Variants in MDFIC2 observed in about 807,000 individuals in gnomAD.
MDFIC2 encodes MyoD family inhibitor domain containing 2.
intron 2 of MDFIC2, among the ~76,000 whole-genome samples, chr3:70,296,239 G>A (rs1161951943): frequency 6.6e-6 from 1 of 152,108 alleles, no homozygotes; most frequent in Non-Finnish European, 1.5e-5. Flanking sequence ...CAAATAAGTT[G>A]TAGTTTGAAA....
intron 2 of MDFIC2, among the ~76,000 whole-genome samples, chr3:70,220,534 C>A (rs1701452930): frequency 6.6e-6 from 1 of 152,152 alleles, no homozygotes; most frequent in African/African-American, 2.4e-5. Flanking sequence ...ATTGAATTTA[C>A]TACCAAAGCA....
Position 70,241,928 on chromosome 3 carries a change from C to A in MDFIC2, c.89-35138G>T, listed in dbSNP as rs554479108. On this transcript the variant is annotated intron_variant, in intron 2 of 3. Transcript: ENST00000567252. ...TCCAATAACCTGTGCTCAAAAGTTTCATTCTAAACTGTATAATAACATTTG... is the reference window on the plus strand; with the variant it reads ...TCCAATAACCTGTGCTCAAAAGTTTAATTCTAAACTGTATAATAACATTTG... Among the ~76,000 whole-genome samples, 4 of 152,304 alleles carry A rather than the reference C, an allele frequency of 2.6e-5. No individual in the cohort carries two copies. In the South Asian group the frequency reaches 8.3e-4, roughly 32 times the overall value.
At chr3:70,276,122 G>A (rs1702023307) in intron 2 of MDFIC2, among the ~76,000 whole-genome samples, 3 of 152,072 alleles carry the variant, frequency 2.0e-5, no homozygotes, top group Admixed American at 2.0e-4. Flanking sequence ...GTGGACAGGA[G>A]TTTTGCCAGT....
At chr3:70,214,606 G>C in intron 2 of MDFIC2, among the ~76,000 whole-genome samples, 1 of 32,322 alleles carries the variant, frequency 3.1e-5, no homozygotes. Context: ...GCTGAAGTGG[G>C]CTTTTTTTTT....
At chr3:70,304,352 T>C (rs1163912131) in intron 2 of MDFIC2, among the ~76,000 whole-genome samples, 2 of 152,222 alleles carry the variant, frequency 1.3e-5, no homozygotes, top group Non-Finnish European at 2.9e-5. Context: ...AAGACTTCTC[T>C]TGTCCACATT....
chr3:70,206,254 T>C (rs1009148718), intron 3 of MDFIC2, among the ~76,000 whole-genome samples: 10 of 152,088 alleles, frequency 6.6e-5, no homozygotes, highest in African/African-American at 2.2e-4. Flanking sequence ...AATAGTTCCA[T>C]GTCTGAGGAG....
At chr3:70,256,796 A>G (rs935240464) in intron 2 of MDFIC2, among the ~76,000 whole-genome samples, 2 of 152,192 alleles carry the variant, frequency 1.3e-5, no homozygotes, top group Admixed American at 1.3e-4. Context: ...TTCTCTAAAC[A>G]TATGTAATAT....
At chr3:70,260,856 T>A (rs1294920126) in intron 2 of MDFIC2, among the ~76,000 whole-genome samples, 2 of 152,012 alleles carry the variant, frequency 1.3e-5, no homozygotes. Flanking sequence ...CTTTATAAAC[T>A]CTCCTCCAGT....
At chr3:70,216,719 T>C (rs905833960) in intron 2 of MDFIC2, among the ~76,000 whole-genome samples, 3 of 152,148 alleles carry the variant, frequency 2.0e-5, no homozygotes, top group African/African-American at 7.2e-5. Flanking sequence ...AAATGTCACC[T>C]CCTGGGTGAG....
chr3:70,206,697 G>A lies in MDFIC2; in HGVS notation c.182C>T (p.Pro61Leu), dbSNP rs535770308. 2.8e-5 allele frequency: 11 copies of A among 397,806 alleles called. No individual in the cohort carries two copies. The highest frequency in any genetic ancestry group is 1.8e-4 in the African/African-American group (9 of 48,650). 24.6% of individuals were successfully genotyped at this position (397,806 alleles called of 1,614,324 possible). The stretch of plus-strand genomic sequence containing the variant: ...TTTCTCATTGGGGTTTTCCTTGGCT[G>A]GTCCATCTGTGATATTGAAGTCAGA... ...SVSDFNITDGPAKENPNEKKL... is the reference protein window; with the variant it reads ...SVSDFNITDGLAKENPNEKKL... Residue 61 changes from proline (P) to leucine (L), a missense_variant, in exon 3 of 4, where the codon CCA (proline) becomes CTA (leucine). By Grantham distance (98) the Pro-to-Leu change is moderately conservative. Transcript: ENST00000567252.
At chr3:70,258,212 C>G (rs1386741064) in intron 2 of MDFIC2, among the ~76,000 whole-genome samples, 1 of 152,022 alleles carries the variant, frequency 6.6e-6, no homozygotes, top group East Asian at 1.9e-4. Context: ...AAAATATTTG[C>G]AACTTTGAGC....
In MDFIC2 at chr3:70,256,272, T is replaced by G. The variant is rs114523852; in HGVS notation, c.89-49482A>C. On this transcript the variant is annotated intron_variant, in intron 2 of 3. Transcript: ENST00000567252. ...CTGGGAATCAAGATGACACCTTTGT[T>G]GTGGATTTTCTAAGTCAGACAGAGA... Among the ~76,000 whole-genome samples the G allele has an allele frequency of 2.6e-3, 389 of 152,334 alleles. 2 individuals are homozygous for G. Among genetic ancestry groups the G allele is most frequent in the African/African-American group, 8.9e-3 (369 of 41,586 alleles).
At chr3:70,299,782 T>C (rs796436221) in intron 2 of MDFIC2, among the ~76,000 whole-genome samples, 4 of 152,250 alleles carry the variant, frequency 2.6e-5, no homozygotes, top group African/African-American at 9.6e-5. Flanking sequence ...GATTCTGTTA[T>C]CTTTAGGTCC....
chr3:70,274,101 ATG>A (rs1397030079), intron 2 of MDFIC2, among the ~76,000 whole-genome samples: 3 of 85,484 alleles, frequency 3.5e-5, no homozygotes, highest in Non-Finnish European at 8.4e-5. Flanking sequence ...GCGCGCGCGC[ATG>A]TGTGTGTGTG....
intron 2 of MDFIC2, among the ~76,000 whole-genome samples, chr3:70,223,521 G>A (rs564608527): frequency 2.6e-5 from 4 of 152,186 alleles, no homozygotes; most frequent in East Asian, 1.9e-4. Flanking sequence ...GGAAACTAGC[G>A]CAGTGCCTCA....
At chr3:70,265,418 G>C (rs190567896) in intron 2 of MDFIC2, among the ~76,000 whole-genome samples, 26 of 152,198 alleles carry the variant, frequency 1.7e-4, no homozygotes, top group Admixed American at 1.6e-3. Flanking sequence ...GAGAAGGCAG[G>C]AAATCTCTTG....
intron 2 of MDFIC2, among the ~76,000 whole-genome samples, chr3:70,304,551 A>G (rs1038258394): frequency 3.9e-5 from 6 of 152,222 alleles, no homozygotes; most frequent in Admixed American, 3.9e-4. Flanking sequence ...GCCGGGGGTC[A>G]GCCTTTGATT....
chr3:70,207,524 C>T (rs530598218), intron 2 of MDFIC2, among the ~76,000 whole-genome samples: 1 of 152,070 alleles, frequency 6.6e-6, no homozygotes, highest in East Asian at 1.9e-4. Flanking sequence ...AAGCCCCAAG[C>T]GTTGTATGTA....
At chr3:70,201,589 A>T (rs1441861035) in intron 3 of MDFIC2, among the ~76,000 whole-genome samples, 1 of 152,174 alleles carries the variant, frequency 6.6e-6, no homozygotes, top group Non-Finnish European at 1.5e-5. Context: ...ACTGAGGCAA[A>T]GAGTGTTTAA....
Sources: allele counts gnomAD v4.1 joint callset (sites outside exome capture counted in the v4.1 genomes callset), GRCh38; gene constraint gnomAD v4.1.1; transcripts MANE v1.5; gene names NCBI Gene and HGNC (gene_info 2026-07-23, HGNC 2026-07-21).